The following PCDHGA6 variants were observed in gnomAD, a reference collection of about 807,000 sequenced individuals.
The protein encoded by PCDHGA6 is protocadherin gamma subfamily A, 6.
PCDHGA6 carries 41 observed loss-of-function variants against 60.6 expected under a neutral mutation model. The observed-to-expected ratio is 0.68, with a 90% CI of 0.53 to 0.88. PCDHGA6 has a LOEUF of 0.88. Among genes scored for constraint, PCDHGA6 ranks in the 40% least tolerant of loss-of-function variants. The pLI, the probability that PCDHGA6 is intolerant of heterozygous loss-of-function variation, is 0.00. For synonymous variants in PCDHGA6, 594 were observed against 524.4 expected, an observed-to-expected ratio of 1.13 and a Z score of -1.81; for missense variants, 1,312 against 1,203.0, an observed-to-expected ratio of 1.09 and a Z score of -1.34.
chr5:141,481,762 G>A (rs1378950651), intron 1 of PCDHGA6, among the ~76,000 whole-genome samples: 3 of 152,126 alleles, frequency 2.0e-5, no homozygotes, highest in African/African-American at 2.4e-5. Flanking sequence ...GACCAGCCTG[G>A]CCAACATGGT....
In PCDHGA6 at chr5:141,374,905, C is replaced by T. The variant is rs756655009; in HGVS notation, c.822C>T (p.His274=). Residue 274 remains histidine, a synonymous_variant, in exon 1 of 4, where the codon CAC becomes CAT. Coordinates refer to ENST00000517434, the MANE Select transcript of PCDHGA6 (RefSeq NM_018919.3). ...CCACCGACCAGGATGAAGGAGTCCA[C>T]GGGGAAGTAACTTATTCCTTTGTGA... ...VTATDQDEGV[H]GEVTYSFVKI... 1.2e-6 allele frequency: 2 copies of T among 1,613,616 alleles called. No homozygotes were observed. Among genetic ancestry groups the T allele is most frequent in the Non-Finnish European group, 8.5e-7 (1 of 1,179,896 alleles).
intron 1 of PCDHGA6, chr5:141,417,651 A>G (rs2154547111): frequency 1.2e-6 from 1 of 822,038 alleles, no homozygotes; most frequent in Non-Finnish European, 1.8e-6. Flanking sequence ...CTCAGCCTCT[A>G]GCCTGGGATT....
intron 1 of PCDHGA6, among the ~76,000 whole-genome samples, chr5:141,446,545 C>T (rs903831454): frequency 4.6e-5 from 7 of 151,914 alleles, no homozygotes; most frequent in African/African-American, 1.7e-4. Context: ...GGCCCTATCT[C>T]TGCTCACTGC....
intron 1 of PCDHGA6, chr5:141,427,993 C>G: frequency 6.3e-7 from 1 of 1,599,460 alleles, no homozygotes; most frequent in South Asian, 1.1e-5. Flanking sequence ...CCCGATGGCT[C>G]CGCACTCTTC....
At chr5:141,434,265 GA>G (rs2097683598) in intron 1 of PCDHGA6, among the ~76,000 whole-genome samples, 1 of 152,186 alleles carries the variant, frequency 6.6e-6, no homozygotes, top group South Asian at 2.1e-4. Context: ...GGGGGAGGTG[GA>G]AATTAGAGGT....
In PCDHGA6 at chr5:141,420,077, C is replaced by T. The variant is rs760626443; in HGVS notation, c.2424+43570C>T. The T allele has an allele frequency of 2.9e-5, 47 of 1,613,782 alleles. No homozygotes were observed. Among genetic ancestry groups the T allele is most frequent in the Admixed American group, 1.0e-4 (6 of 60,004 alleles). The stretch of plus-strand genomic sequence containing the variant: ...CTGCTCCAAGTCCGGACCTGTGGGT[C>T]CCCCCAACTACAGTGAGGGAACGTT... On this transcript the variant is annotated intron_variant, in intron 1 of 3. Coordinates refer to ENST00000517434, the MANE Select transcript of PCDHGA6 (RefSeq NM_018919.3).
At position 141,477,023 on chromosome 5, in the gene PCDHGA6, A is replaced by T. The variant is rs763926460; in HGVS notation, c.2425-17784A>T. ...ATTCGCCTTAGACCTTGTAACCGGG[A>T]TGCTGACAATCAAGGGTCGGCTGGA... is the stretch of plus-strand genomic sequence containing the variant. On this transcript the variant is annotated intron_variant, in intron 1 of 3. Transcript: ENST00000517434. The surrounding 1 kb of genome is among the most constrained non-coding windows in gnomAD (Gnocchi z 4.9). 6.2e-7 allele frequency: 1 copy of T among 1,614,240 alleles called. No homozygotes were observed. The highest frequency in any genetic ancestry group is 8.5e-7 in the Non-Finnish European group (1 of 1,180,040).
intron 1 of PCDHGA6, among the ~76,000 whole-genome samples, chr5:141,439,459 A>C (rs558086952): frequency 6.6e-6 from 1 of 152,222 alleles, no homozygotes. Flanking sequence ...GCAAGACTGC[A>C]CTGCTGCCTT....
intron 2 of PCDHGA6, among the ~76,000 whole-genome samples, chr5:141,495,936 T>C (rs1329369782): frequency 6.6e-6 from 1 of 152,206 alleles, no homozygotes; most frequent in Non-Finnish European, 1.5e-5. Flanking sequence ...GTCTCTGGTC[T>C]CTGTGCCTGT....
intron 1 of PCDHGA6, chr5:141,410,849 CTTTTTTTTTTTTTT>C (rs759346998): frequency 7.7e-6 from 1 of 129,786 alleles, no homozygotes; most frequent in African/African-American, 6.0e-5. Context: ...TTGTCTTTGT[CTTTTTTTTTTTTTT>C]TTTTTTTTGA....
chr5:141,411,366 T>C (rs559840924), intron 1 of PCDHGA6: 1 of 152,208 alleles, frequency 6.6e-6, no homozygotes, highest in South Asian at 2.1e-4. Flanking sequence ...AGCCCAAGAA[T>C]TGAGACCAGC....
intron 1 of PCDHGA6, among the ~76,000 whole-genome samples, chr5:141,451,924 G>C (rs1337159204): frequency 1.3e-5 from 2 of 152,008 alleles, no homozygotes; most frequent in African/African-American, 4.8e-5. Context: ...AAGGAAGGGA[G>C]GTAGGGAGGC....
rs1367772661 is a variant in PCDHGA6, at chr5:141,512,193, GGAAGCTC to G, written c.*1026_*1032del. 2.0e-5 allele frequency: 3 copies of G among 152,756 alleles called. No homozygotes were observed. Among genetic ancestry groups the G allele is most frequent in the Non-Finnish European group, 4.4e-5 (3 of 68,136 alleles). 9.5% of individuals were successfully genotyped at this position (152,756 alleles called of 1,614,324 possible). ...GGATTAAACTGGCATTTCAGTCCAAGGAAGCTCGAAGCAGGTTTAGGACCAGGTCCCC... is the reference window on the plus strand; with the variant it reads ...GGATTAAACTGGCATTTCAGTCCAAGGAAGCAGGTTTAGGACCAGGTCCCC... On this transcript the variant is annotated 3_prime_UTR_variant, in exon 4 of 4. Coordinates refer to ENST00000517434, the MANE Select transcript of PCDHGA6 (RefSeq NM_018919.3).
chr5:141,385,223 A>C (rs766051345), intron 1 of PCDHGA6: 6 of 1,614,184 alleles, frequency 3.7e-6, no homozygotes. Flanking sequence ...CAGCCCAACT[A>C]TGTAGACATG....
intron 1 of PCDHGA6, chr5:141,384,566 A>G (rs1313512011): frequency 6.2e-7 from 1 of 1,614,244 alleles, no homozygotes; most frequent in African/African-American, 1.3e-5. Flanking sequence ...CTGGACCAGA[A>G]TGACAACCCG....
At chr5:141,423,034 G>A (rs769232324) in intron 1 of PCDHGA6, 1 of 1,614,200 alleles carries the variant, frequency 6.2e-7, no homozygotes, top group Non-Finnish European at 8.5e-7. Context: ...AGGCCAGAAC[G>A]CCTGGCTGTC....
Position 141,499,029 on chromosome 5 carries a change from A to AAGGAAGG in PCDHGA6, c.2483+4165_2483+4166insGGAAGGA, listed in dbSNP as rs1562187768. Among the ~76,000 whole-genome samples, 348 of 140,068 alleles carry AAGGAAGG rather than the reference A, an allele frequency of 2.5e-3. 2 individuals carry two copies. The highest frequency in any genetic ancestry group is 9.3e-3 in the African/African-American group (335 of 36,066). The allele number at this position is 140,068 out of a possible 152,430, so 91.9% of individuals were successfully genotyped here. ...GGAAGGAAGGAAGGAAGGAAGGAAG[A>AAGGAAGG]AAAGAAAGAAAAAGGGAGAAAAAAT... is the stretch of plus-strand genomic sequence containing the variant. On this transcript the variant is annotated intron_variant, in intron 2 of 3. Transcript: ENST00000517434.
rs774079222 is a variant in PCDHGA6 at position 141,491,314 on chromosome 5, C to T, written c.2425-3493C>T. On this transcript the variant is annotated intron_variant, in intron 1 of 3. Coordinates refer to ENST00000517434, the MANE Select transcript of PCDHGA6 (RefSeq NM_018919.3). This position sits in a 1 kb window ranked among gnomAD's most constrained non-coding sequence, Gnocchi z 6.9. ...CCCTCCTGAGCGTTCAGACCTTACC[C>T]TTTACCTCATTGTGGCTCTAGCGAC... The T allele has an allele frequency of 1.9e-6, 3 of 1,614,182 alleles. No individual in the cohort carries two copies. In the South Asian group the frequency reaches 3.3e-5, roughly 18 times the overall value.
chr5:141,418,006 C>T, intron 1 of PCDHGA6: 7 of 1,613,896 alleles, frequency 4.3e-6, no homozygotes, highest in Non-Finnish European at 5.9e-6. Flanking sequence ...TGGTGGGGAA[C>T]CTCGCTAAGG....
Sources: gnomAD v4.1 joint callset for allele counts (sites outside exome capture counted in the v4.1 genomes callset) on GRCh38, gnomAD v4.1.1 for gene constraint, Gnocchi (gnomAD v3.1) non-coding constraint, MANE v1.5 for transcripts, NCBI Gene and HGNC (gene_info 2026-07-23, HGNC 2026-07-21) for gene names.